The following NFASC variants were observed in gnomAD, a reference collection of about 807,000 sequenced individuals.
NFASC encodes the protein neurofascin, also known as neurofascin homolog.
NFASC carries 43 observed loss-of-function variants against 147.5 expected under a neutral mutation model. The ratio of observed to expected loss-of-function variants is 0.29; its 90% confidence interval spans 0.23 to 0.38. The LOEUF (loss-of-function observed/expected upper bound fraction) is 0.38, where lower values mean the gene tolerates loss of function less well. NFASC is among the 10% of genes least tolerant of loss of function. NFASC has a pLI of 1.00. For synonymous variants in NFASC, 622 were observed against 665.5 expected, an observed-to-expected ratio of 0.93 and a Z score of 1.01; for missense variants, 1,320 against 1,689.0, an observed-to-expected ratio of 0.78 and a Z score of 3.83.
intron 1 of NFASC, among the ~76,000 whole-genome samples, chr1:204,884,724 C>T (rs886144092): frequency 3.9e-5 from 6 of 152,080 alleles, no homozygotes; most frequent in South Asian, 2.1e-4. Flanking sequence ...AGCAGAGTAC[C>T]GTTTGAGTGC....
rs2096389927 is a variant in NFASC, at chr1:205,020,073, C to T, written c.*3534C>T. 1 of 152,258 alleles carries T rather than the reference C, an allele frequency of 6.6e-6. No individual in the cohort carries two copies. The highest frequency in any genetic ancestry group is 2.4e-5 in the African/African-American group (1 of 41,450). The allele number at this position is 152,258 out of a possible 1,614,324, so 9.4% of individuals were successfully genotyped here. A position where few individuals can be genotyped will look rare whatever the true frequency, so the allele number is the denominator to read the frequency against. On this transcript the variant is annotated 3_prime_UTR_variant, in exon 30 of 30. Transcript: ENST00000339876. ...ACAGGAAAGCCAAACCAGCACCCTC[C>T]TTTGTGCTCTGAGAGGTTGGAGACA...
chr1:204,907,195 G>T (rs943208975), intron 1 of NFASC, among the ~76,000 whole-genome samples: 10 of 152,072 alleles, frequency 6.6e-5, no homozygotes, highest in Non-Finnish European at 1.2e-4. Context: ...TCTCAATGTG[G>T]TTTTAATTTG....
Position 204,981,941 on chromosome 1 carries a change from T to C in NFASC, c.2391T>C (p.Tyr797=), listed in dbSNP as rs573844849. The C allele has an allele frequency of 6.2e-7, 1 of 1,606,516 alleles. No individual in the cohort carries two copies. Among genetic ancestry groups the C allele is most frequent in the African/African-American group, 1.3e-5 (1 of 74,656 alleles). ...VVGQTPVYVP[Y]EIRVQAENDF... is the part of the protein sequence containing the mutation. ...GGCAGACCCCAGTCTACGTGCCCTA[T>C]GAGATCCGAGTCCAGGCTGAAAATG... Residue 797 remains tyrosine (Y), a synonymous_variant, in exon 21 of 30, where the codon TAT becomes TAC. Transcript: ENST00000339876.
At chr1:204,947,338 CT>C (rs1385631862) in intron 3 of NFASC, among the ~76,000 whole-genome samples, 1 of 152,218 alleles carries the variant, frequency 6.6e-6, no homozygotes, top group Non-Finnish European at 1.5e-5. Flanking sequence ...CCCATGTGTG[CT>C]GAGCTGAGCC....
chr1:204,923,378 C>T (rs988837549), intron 2 of NFASC, among the ~76,000 whole-genome samples: 1 of 152,130 alleles, frequency 6.6e-6, no homozygotes, highest in African/African-American at 2.4e-5. Context: ...CAGGCTTCGT[C>T]TCTCCCCTTC....
intron 1 of NFASC, among the ~76,000 whole-genome samples, chr1:204,834,434 T>A (rs1673095584): frequency 2.0e-5 from 3 of 152,292 alleles, no homozygotes; most frequent in South Asian, 4.1e-4. Flanking sequence ...GGTAGGGTCA[T>A]GCCCTCACTC....
intron 5 of NFASC, among the ~76,000 whole-genome samples, chr1:204,953,110 C>T (rs2094220935): frequency 6.6e-6 from 1 of 152,216 alleles, no homozygotes; most frequent in African/African-American, 2.4e-5. Context: ...TGAGCAGCCC[C>T]TGCTGTTCCA....
At chr1:204,916,340 T>G (rs1245285384) in intron 1 of NFASC, among the ~76,000 whole-genome samples, 1 of 152,242 alleles carries the variant, frequency 6.6e-6, no homozygotes, top group East Asian at 1.9e-4. Context: ...TAACTAACCC[T>G]AAAGTCCTAT....
rs537202768 is a variant in NFASC at position 205,018,532 on chromosome 1, G to A, written c.*1993G>A. ...TCATTTGGGCCAAGCCTCAGCTAGGGCTGCTGCCTGGACGCCTGAGGGGCA... is the reference window on the plus strand; with the variant it reads ...TCATTTGGGCCAAGCCTCAGCTAGGACTGCTGCCTGGACGCCTGAGGGGCA... On this transcript the variant is annotated 3_prime_UTR_variant, in exon 30 of 30. Coordinates refer to ENST00000339876, the MANE Select transcript of NFASC (RefSeq NM_001005388.3). The A allele has an allele frequency of 5.8e-4, 89 of 152,826 alleles. No homozygotes were observed. The highest frequency in any genetic ancestry group is 7.8e-4 in the Non-Finnish European group (53 of 68,064). The allele number at this position is 152,826 out of a possible 1,614,324, so 9.5% of individuals were successfully genotyped here.
chr1:204,892,250 T>G (rs1266691298), intron 1 of NFASC, among the ~76,000 whole-genome samples: 1 of 152,212 alleles, frequency 6.6e-6, no homozygotes, highest in Non-Finnish European at 1.5e-5. Flanking sequence ...TTTCCTGAAC[T>G]CTTAACGACT....
In NFASC at chr1:205,015,678, C is replaced by T. The variant is rs919235635; in HGVS notation, c.3492-630C>T. On this transcript the variant is annotated intron_variant, in intron 29 of 29. Transcript: ENST00000339876. The surrounding 1 kb of genome is among the most constrained non-coding windows in gnomAD (Gnocchi z 4.0). ...TGCTTACCTGTGTGCCCCCCCACCA[C>T]CACCACTCTTGCGCACCTGTGCTTG... 6.6e-6 allele frequency among the ~76,000 whole-genome samples: 1 copy of T among 152,158 alleles called. No homozygotes were observed. Among genetic ancestry groups the T allele is most frequent in the Non-Finnish European group, 1.5e-5 (1 of 68,024 alleles).
intron 17 of NFASC, among the ~76,000 whole-genome samples, chr1:204,978,360 C>G (rs972879958): frequency 6.6e-6 from 1 of 152,138 alleles, no homozygotes; most frequent in Non-Finnish European, 1.5e-5. Flanking sequence ...CTGCCCTCAC[C>G]CCTGTTTGCA....
chr1:204,839,369 AC>A (rs1674628884), intron 1 of NFASC, among the ~76,000 whole-genome samples: 3 of 1,266 alleles, frequency 2.4e-3, no homozygotes, highest in African/African-American at 6.9e-3. Flanking sequence ...CACGTATGAA[AC>A]ACACACACAC....
At chr1:204,870,801 CG>C in intron 1 of NFASC, 1 of 1,175,642 alleles carries the variant, frequency 8.5e-7, no homozygotes, top group Non-Finnish European at 1.1e-6. Flanking sequence ...GTTTATGCCA[CG>C]GAGGGCTGGG....
chr1:204,951,888 A>G, intron 4 of NFASC, 123 bp from the exon 5 acceptor site: 1 of 698,714 alleles, frequency 1.4e-6, no homozygotes, highest in Middle Eastern at 3.5e-4. Context: ...ACCGCCCCCC[A>G]CACCCCACCC....
chr1:204,973,317 A>G lies in NFASC; in HGVS notation c.1177A>G (p.Ile393Val), dbSNP rs756745475. Reference protein sequence around the residue: ...NPNREVAGDTIIFRDTQISSR... With the variant: ...NPNREVAGDTVIFRDTQISSR... ...AAACCGTGAGGTGGCCGGAGACACC[A>G]TCATCTTCCGGGACACCCAGATCAG... Residue 393 changes from isoleucine (I) to valine (V), a missense_variant, in exon 12 of 30, where the codon ATC (isoleucine) becomes GTC (valine). Ile to Val is a conservative substitution (Grantham distance 29, BLOSUM62 3). Around this residue, in one of 3 missense-constraint regions of NFASC, gnomAD observed 981 missense variants for 1,289.5 expected, o/e 0.76. Coordinates refer to ENST00000339876, the MANE Select transcript of NFASC (RefSeq NM_001005388.3). 2.7e-5 allele frequency: 43 copies of G among 1,614,206 alleles called. No individual in the cohort carries two copies. The highest frequency in any genetic ancestry group is 2.0e-4 in the East Asian group (9 of 44,876).
intron 3 of NFASC, 66 bp downstream of exon 3, chr1:204,944,472 G>GGGGGGGA: frequency 2.2e-5 from 9 of 402,560 alleles, no homozygotes; most frequent in Admixed American, 3.4e-5. Context: ...GGAGGGGAGG[G>GGGGGGGA]AAGGTCAGAG....
chr1:205,013,892 C>A (rs1281164348), intron 29 of NFASC, among the ~76,000 whole-genome samples: 2 of 152,218 alleles, frequency 1.3e-5, no homozygotes, highest in Non-Finnish European at 2.9e-5. Flanking sequence ...GGAGCCACTG[C>A]CCACACAGGA....
In NFASC at chr1:204,877,035, ATTTATATATATATAATATATTTATTTAT is replaced by A. The variant is rs2079069095; in HGVS notation, c.-199-43596_-199-43569del. The stretch of plus-strand genomic sequence containing the variant: ...ATATATATATATATATATAATATAT[ATTTATATATATATAATATATTTATTTAT>A]ATATTTATATATATATAATATATTT... On this transcript the variant is annotated intron_variant, in intron 1 of 29. Transcript: ENST00000339876. 2.1e-5 allele frequency among the ~76,000 whole-genome samples: 2 copies of A among 97,344 alleles called. 1 individual carries two copies. The highest frequency in any genetic ancestry group is 1.2e-4 in the African/African-American group (2 of 16,758). The allele number at this position is 97,344 out of a possible 152,430, so 63.9% of individuals were successfully genotyped here.
Sources: gnomAD v4.1 joint callset for allele counts (sites outside exome capture counted in the v4.1 genomes callset) on GRCh38, gnomAD v4.1.1 for gene constraint, gnomAD v4.1.1 regional missense constraint, Gnocchi (gnomAD v3.1) non-coding constraint, MANE v1.5 for transcripts, NCBI Gene and HGNC (gene_info 2026-07-23, HGNC 2026-07-21) for gene names.